Variants in DPYS observed in about 807,000 individuals in gnomAD.
The protein encoded by DPYS is dihydropyrimidinase.
In DPYS, 39 loss-of-function variants were observed where a neutral mutation model predicts 50.3. The ratio of observed to expected loss-of-function variants is 0.78; its 90% CI spans 0.60 to 1.01. The LOEUF is 1.01. Among genes scored for constraint, DPYS ranks in the 50% least tolerant of loss-of-function variants. DPYS has a pLI of 0.00. For synonymous variants in DPYS, 245 were observed against 250.7 expected (o/e 0.98, Z 0.22); for missense variants, 659 against 680.9 (o/e 0.97, Z 0.36).
chr8:104,429,819 A>T, intron 4 of DPYS, 118 bp from the exon 5 acceptor site: 1 of 1,267,738 alleles, frequency 7.9e-7, no homozygotes, highest in Non-Finnish European at 1.1e-6. Flanking sequence ...ACAGTTTAGC[A>T]GAATCCCAAA....
chr8:104,439,810 CA>C (rs1331450704), intron 4 of DPYS, among the ~76,000 whole-genome samples: 1 of 152,094 alleles, frequency 6.6e-6, no homozygotes, highest in Non-Finnish European at 1.5e-5. Context: ...ACCCCAAACC[CA>C]TTAAATACAA....
chr8:104,452,807 T>C (rs1813795039), intron 1 of DPYS, among the ~76,000 whole-genome samples: 1 of 152,124 alleles, frequency 6.6e-6, no homozygotes, highest in Non-Finnish European at 1.5e-5. Context: ...CACCACTGCA[T>C]GCCAGCCTGG....
At chr8:104,459,339 C>T (rs1425030053) in intron 1 of DPYS, among the ~76,000 whole-genome samples, 1 of 152,190 alleles carries the variant, frequency 6.6e-6, no homozygotes. Flanking sequence ...AAAGCCCAAA[C>T]TTACTATATA....
chr8:104,410,023 T>A (rs1274414476), intron 7 of DPYS, among the ~76,000 whole-genome samples: 1 of 152,220 alleles, frequency 6.6e-6, no homozygotes, highest in Non-Finnish European at 1.5e-5. Context: ...AGATCCTAAG[T>A]TCCCTTAGGG....
At chr8:104,463,609 T>C (rs113952187) in intron 1 of DPYS, among the ~76,000 whole-genome samples, 7,025 of 152,272 alleles carry the variant, frequency 0.046, 218 homozygotes, top group South Asian at 0.077. Context: ...ATTTCCTCAA[T>C]TGTAAAAAAG....
chr8:104,432,805 T>G (rs1031436905), intron 4 of DPYS, among the ~76,000 whole-genome samples: 1 of 152,174 alleles, frequency 6.6e-6, no homozygotes, highest in Admixed American at 6.5e-5. Context: ...GAAAGTCAAA[T>G]AAATTAATGT....
intron 7 of DPYS, among the ~76,000 whole-genome samples, chr8:104,416,041 A>C (rs1812356746): frequency 6.6e-6 from 1 of 152,192 alleles, no homozygotes; most frequent in East Asian, 1.9e-4. Flanking sequence ...CTAGGAAATA[A>C]ATATCATCAT....
intron 4 of DPYS, among the ~76,000 whole-genome samples, chr8:104,443,002 G>T (rs907847824): frequency 6.6e-6 from 1 of 152,200 alleles, no homozygotes; most frequent in African/African-American, 2.4e-5. Context: ...ACTTCAGTGA[G>T]CCAAGATTGT....
intron 4 of DPYS, among the ~76,000 whole-genome samples, chr8:104,439,644 G>A (rs992646449): frequency 2.6e-5 from 4 of 152,064 alleles, no homozygotes; most frequent in Non-Finnish European, 4.4e-5. Context: ...AATTGGCTGG[G>A]TGTGGTGGCT....
At chr8:104,466,245 TG>T (rs1360998035) in intron 1 of DPYS, among the ~76,000 whole-genome samples, 1 of 152,186 alleles carries the variant, frequency 6.6e-6, no homozygotes, top group Non-Finnish European at 1.5e-5. Flanking sequence ...GAGAAATGGC[TG>T]GAAGTGCCTA....
In DPYS at chr8:104,444,156, C is replaced by A. The variant is rs1450616382; in HGVS notation, c.793+92G>T. On this transcript the variant is annotated intron_variant, in intron 4 of 9. Transcript: ENST00000351513. ...AAGAAAAGTAGTGGAAATCCACATG[C>A]ACTTTCTCCTAAACTGAAGCAGAGG... 7.2e-6 allele frequency: 10 copies of A among 1,386,544 alleles called. No homozygotes were observed. The East Asian group carries it at 1.9e-4, about 26-fold the overall frequency. 85.9% of individuals were successfully genotyped at this position (1,386,544 alleles called of 1,614,324 possible).
intron 7 of DPYS, among the ~76,000 whole-genome samples, chr8:104,401,538 G>A (rs1245256680): frequency 6.6e-6 from 1 of 152,092 alleles, no homozygotes; most frequent in Admixed American, 6.5e-5. Context: ...TGCGGTTGAT[G>A]AAAACATTCT....
intron 4 of DPYS, among the ~76,000 whole-genome samples, chr8:104,440,821 G>A (rs1413628229): frequency 6.6e-6 from 1 of 151,968 alleles, no homozygotes. Flanking sequence ...TTTACAGATG[G>A]GAGATTTTCA....
rs1195190907 is a variant in DPYS, at chr8:104,466,659, T to C, written c.262A>G (p.Lys88Glu). ...RSIDDFHQGT[K>E]AALSGGTTMI... is the part of the protein sequence containing the mutation. ...CGGGGGCGCGGCGGGGCGGGTACCTTGGTGCCCTGGTGGAAGTCGTCGATG... is the reference window on the plus strand; with the variant it reads ...CGGGGGCGCGGCGGGGCGGGTACCTCGGTGCCCTGGTGGAAGTCGTCGATG... The change falls in exon 1 of 10, where the codon AAG (lysine) becomes GAG (glutamate). Residue 88 changes from lysine to glutamate, a missense_variant and splice_region_variant. Physicochemically the swap from Lys to Glu is moderately conservative, Grantham distance 56. Transcript: ENST00000351513. 4 of 1,517,070 alleles carry C rather than the reference T, an allele frequency of 2.6e-6. No homozygotes were observed. In the South Asian group the frequency reaches 3.7e-5, roughly 14 times the overall value. 94.0% of individuals were successfully genotyped at this position (1,517,070 alleles called of 1,614,324 possible).
At chr8:104,389,827 T>C (rs1811333678) in intron 8 of DPYS, among the ~76,000 whole-genome samples, 2 of 152,128 alleles carry the variant, frequency 1.3e-5, no homozygotes, top group Middle Eastern at 3.2e-3. Flanking sequence ...TTTAAAACAA[T>C]GATGCACTAA....
At chr8:104,416,935 G>A (rs544403873) in intron 7 of DPYS, among the ~76,000 whole-genome samples, 118 of 151,788 alleles carry the variant, frequency 7.8e-4, no homozygotes, top group Non-Finnish European at 1.3e-3. Flanking sequence ...CACACAAAAG[G>A]CCCCCTCTAG....
Position 104,410,108 on chromosome 8 carries a change from A to G in DPYS, c.1235+14139T>C, listed in dbSNP as rs1425912488. On this transcript the variant is annotated intron_variant, in intron 7 of 9. Transcript: ENST00000351513. ...CACTCGATAAATGCTTGGTTCATAC[A>G]TGAGCAAGGCTGCAGTTATTTTGAA... 2.0e-5 allele frequency among the ~76,000 whole-genome samples: 3 copies of G among 152,230 alleles called. No homozygotes were observed. In the East Asian group the frequency reaches 5.8e-4, roughly 29 times the overall value.
In DPYS at chr8:104,459,042, T is replaced by C. The variant is rs186740770; in HGVS notation, c.264+7615A>G. 2.4e-4 allele frequency among the ~76,000 whole-genome samples: 36 copies of C among 152,374 alleles called. 1 individual carries two copies. The highest frequency in any genetic ancestry group is 8.2e-4 in the African/African-American group (34 of 41,592). On this transcript the variant is annotated intron_variant, in intron 1 of 9. Coordinates refer to ENST00000351513, the MANE Select transcript of DPYS (RefSeq NM_001385.3). The stretch of plus-strand genomic sequence containing the variant: ...TCAGGAACTCATCCATGACTATCAC[T>C]ATATAATACAGTCTCCCTGTTAGAT...
At chr8:104,447,666 C>T (rs962996644) in intron 2 of DPYS, among the ~76,000 whole-genome samples, 163 bp from the exon 3 acceptor site, 1 of 152,166 alleles carries the variant, frequency 6.6e-6, no homozygotes, top group Non-Finnish European at 1.5e-5. Context: ...TGATCTTTTT[C>T]CCAGGTTATA....
Sources: gnomAD v4.1 joint callset for allele counts (sites outside exome capture counted in the v4.1 genomes callset) on GRCh38, gnomAD v4.1.1 for gene constraint, MANE v1.5 for transcripts, NCBI Gene and HGNC (gene_info 2026-07-23, HGNC 2026-07-21) for gene names.